Variants in NEGR1 observed in about 807,000 individuals in gnomAD.
The protein encoded by NEGR1 is neuronal growth regulator 1, also known as IgLON family member 4.
In NEGR1, 10 loss-of-function variants were observed where a neutral mutation model predicts 40.9. That is an observed-to-expected ratio of 0.24 (90% CI 0.15 to 0.42). NEGR1 has a LOEUF of 0.42. Ranked by LOEUF, NEGR1 falls within the 10% of genes least tolerant of loss-of-function variation. The pLI, the probability that NEGR1 is intolerant of heterozygous loss-of-function variation, is 1.00. For synonymous variants in NEGR1, 185 were observed against 166.8 expected (o/e 1.11, Z -0.84); for missense variants, 352 against 438.9 (o/e 0.80, Z 1.77).
chr1:71,604,633 A>G (rs1650024135), intron 5 of NEGR1, among the ~76,000 whole-genome samples: 1 of 152,188 alleles, frequency 6.6e-6, no homozygotes, highest in Non-Finnish European at 1.5e-5. Flanking sequence ...GAAACTTAAC[A>G]TTAACCTTAC....
intron 1 of NEGR1, among the ~76,000 whole-genome samples, chr1:72,015,944 T>G (rs1646706020): frequency 6.6e-6 from 1 of 152,106 alleles, no homozygotes; most frequent in Non-Finnish European, 1.5e-5. Context: ...AACGCAAATC[T>G]AGGCTAACAT....
At chr1:71,552,159 C>G (rs1036976313) in intron 6 of NEGR1, among the ~76,000 whole-genome samples, 2 of 151,422 alleles carry the variant, frequency 1.3e-5, no homozygotes, top group Non-Finnish European at 3.0e-5. Context: ...TGATCCAATA[C>G]CTAATTGCTT....
At chr1:71,766,651 A>G (rs892869600) in intron 3 of NEGR1, among the ~76,000 whole-genome samples, 1 of 152,236 alleles carries the variant, frequency 6.6e-6, no homozygotes, top group African/African-American at 2.4e-5. Flanking sequence ...AACGGCTTTC[A>G]ACATGCTTCT....
intron 2 of NEGR1, among the ~76,000 whole-genome samples, chr1:71,791,071 T>G (rs1301830969): frequency 6.6e-6 from 1 of 152,012 alleles, no homozygotes; most frequent in Non-Finnish European, 1.5e-5. Flanking sequence ...CTTCTTACAT[T>G]TCACATATAG....
At chr1:71,419,971 CA>C (rs1646384079) in intron 6 of NEGR1, among the ~76,000 whole-genome samples, 2 of 150,920 alleles carry the variant, frequency 1.3e-5, no homozygotes, top group Non-Finnish European at 2.9e-5. Context: ...AGACACTAGT[CA>C]AGATGGTAAA....
At chr1:71,600,436 C>T (rs949081370) in intron 5 of NEGR1, among the ~76,000 whole-genome samples, 1 of 152,114 alleles carries the variant, frequency 6.6e-6, no homozygotes, top group African/African-American at 2.4e-5. Flanking sequence ...AGCTCCCTCC[C>T]AGGTAGAAAA....
chr1:71,973,363 G>C (rs999258551), intron 1 of NEGR1, among the ~76,000 whole-genome samples: 4 of 151,564 alleles, frequency 2.6e-5, no homozygotes, highest in Non-Finnish European at 5.9e-5. Context: ...GAAGAGCCTA[G>C]GGATGGAACA....
intron 2 of NEGR1, among the ~76,000 whole-genome samples, chr1:71,832,947 A>G (rs540121547): frequency 6.6e-6 from 1 of 152,172 alleles, no homozygotes; most frequent in South Asian, 2.1e-4. Flanking sequence ...CTAGCTATCT[A>G]TATATTTGGG....
intron 1 of NEGR1, among the ~76,000 whole-genome samples, chr1:72,129,640 T>C (rs987611170): frequency 2.6e-5 from 4 of 152,096 alleles, no homozygotes; most frequent in African/African-American, 7.2e-5. Flanking sequence ...GGAAGGCAAG[T>C]AGGGAGATGT....
At chr1:71,521,687 T>C (rs1647158216) in intron 6 of NEGR1, among the ~76,000 whole-genome samples, 2 of 152,042 alleles carry the variant, frequency 1.3e-5, no homozygotes, top group Non-Finnish European at 2.9e-5. Context: ...AGTTTCAATA[T>C]GTTACCATTA....
intron 1 of NEGR1, among the ~76,000 whole-genome samples, chr1:72,206,445 G>A (rs535816849): frequency 6.6e-6 from 1 of 152,056 alleles, no homozygotes; most frequent in Non-Finnish European, 1.5e-5. Context: ...GGATGTTAAA[G>A]TGCTTCATAA....
At chr1:72,259,166 T>C (rs896995319) in intron 1 of NEGR1, among the ~76,000 whole-genome samples, 1 of 152,100 alleles carries the variant, frequency 6.6e-6, no homozygotes, top group Non-Finnish European at 1.5e-5. Context: ...GTAGGATATG[T>C]CAGTAGTTAC....
intron 4 of NEGR1, among the ~76,000 whole-genome samples, chr1:71,643,563 G>A (rs899877421): frequency 1.3e-5 from 2 of 151,948 alleles, no homozygotes; most frequent in Admixed American, 1.3e-4. Flanking sequence ...TTAGGAAGCA[G>A]GATGGATAGA....
At chr1:72,057,307 ATT>A (rs912387595) in intron 1 of NEGR1, among the ~76,000 whole-genome samples, 1 of 150,608 alleles carries the variant, frequency 6.6e-6, no homozygotes, top group Non-Finnish European at 1.5e-5. Flanking sequence ...TCCAAACTTA[ATT>A]TTTTTTTGCA....
chr1:72,052,629 T>A (rs865824281), intron 1 of NEGR1, among the ~76,000 whole-genome samples: 1 of 151,526 alleles, frequency 6.6e-6, no homozygotes, highest in African/African-American at 2.4e-5. Context: ...AGGTGTCTTA[T>A]CAAATAAATT....
chr1:71,902,071 T>G (rs1376389516), intron 2 of NEGR1, among the ~76,000 whole-genome samples: 2 of 152,194 alleles, frequency 1.3e-5, no homozygotes, highest in East Asian at 3.9e-4. Context: ...TCATAAATAT[T>G]CACTTATTAA....
intron 6 of NEGR1, among the ~76,000 whole-genome samples, chr1:71,443,161 A>G (rs1193899561): frequency 1.3e-5 from 2 of 152,174 alleles, no homozygotes; most frequent in Non-Finnish European, 2.9e-5. Flanking sequence ...TTATTTATGT[A>G]TTTATCAAAT....
At chr1:72,166,488 T>C (rs1160446753) in intron 1 of NEGR1, among the ~76,000 whole-genome samples, 2 of 152,164 alleles carry the variant, frequency 1.3e-5, no homozygotes, top group African/African-American at 4.8e-5. Context: ...CTCATGTTCA[T>C]TGCTGCGCTA....
chr1:71,670,856 C>A (rs1255241726), intron 4 of NEGR1, among the ~76,000 whole-genome samples: 2 of 151,878 alleles, frequency 1.3e-5, no homozygotes, highest in Non-Finnish European at 2.9e-5. Flanking sequence ...TCAGCAGATG[C>A]CTAGAATAAA....
Sources: allele counts gnomAD v4.1 joint callset (sites outside exome capture counted in the v4.1 genomes callset), GRCh38; gene constraint gnomAD v4.1.1; transcripts MANE v1.5; gene names NCBI Gene and HGNC (gene_info 2026-07-23, HGNC 2026-07-21).